TUNAR: variants seen among roughly 807,000 people sequenced by gnomAD.
TUNAR encodes transmembrane neural differentiation associated intracellular calcium regulator.
In TUNAR at chr14:95,884,804, C is replaced by T. The variant is rs867935163; in HGVS notation, c.12+7627C>T. Among the ~76,000 whole-genome samples the T allele has an allele frequency of 2.0e-4, 31 of 152,244 alleles. No individual in the cohort carries two copies. The Middle Eastern group carries it at 0.01, about 50-fold the overall frequency. On this transcript the variant is annotated intron_variant, in intron 2 of 2. Coordinates refer to ENST00000678517, the Ensembl canonical transcript of TUNAR. ...CTGCGGTCCCCACAATCTGTGTCTG[C>T]GTGGTTGTATCTCCGACTGCCGCTC...
chr14:95,887,874 A>T (rs1889104111), intron 2 of TUNAR, among the ~76,000 whole-genome samples: 1 of 152,226 alleles, frequency 6.6e-6, no homozygotes, highest in South Asian at 2.1e-4. Flanking sequence ...CATTTTGAGC[A>T]TCTGACCTCA....
At chr14:95,903,888 C>T (rs552927458) in intron 2 of TUNAR, among the ~76,000 whole-genome samples, 10 of 152,322 alleles carry the variant, frequency 6.6e-5, no homozygotes, top group Non-Finnish European at 7.4e-5. Flanking sequence ...GGGGCTTCCT[C>T]ACAGCAGGTG....
At chr14:95,914,585 A>G (rs898914942) in intron 2 of TUNAR, among the ~76,000 whole-genome samples, 4 of 152,132 alleles carry the variant, frequency 2.6e-5, no homozygotes, top group Non-Finnish European at 4.4e-5. Context: ...AGGAGTGGCT[A>G]TGTGGACAAG....
intron 2 of TUNAR, among the ~76,000 whole-genome samples, chr14:95,882,878 T>C (rs1036310372): frequency 6.6e-6 from 1 of 152,246 alleles, no homozygotes; most frequent in African/African-American, 2.4e-5. Flanking sequence ...AAATGATCAA[T>C]ATTGATAAGT....
At chr14:95,924,136 C>G (rs1889744764) in exon 3 of TUNAR, 1 of 152,212 alleles carries the variant, frequency 6.6e-6, no homozygotes, top group South Asian at 2.1e-4. Flanking sequence ...AGGTGCATTA[C>G]TCCTTCCTTT....
At chr14:95,899,670 C>T (rs73338743) in intron 2 of TUNAR, among the ~76,000 whole-genome samples, 1,646 of 152,110 alleles carry the variant, frequency 0.011, 40 homozygotes, top group African/African-American at 0.036. Context: ...TGCAGATGAC[C>T]GTCTTCATGC....
intron 2 of TUNAR, among the ~76,000 whole-genome samples, chr14:95,913,463 CATT>C (rs1355346369): frequency 6.6e-6 from 1 of 152,152 alleles, no homozygotes; most frequent in African/African-American, 2.4e-5. Context: ...TGGTCACCAT[CATT>C]TTCAGCTGCC....
chr14:95,921,679 C>G (rs1018631104), intron 2 of TUNAR, among the ~76,000 whole-genome samples: 1 of 152,170 alleles, frequency 6.6e-6, no homozygotes, highest in Admixed American at 6.5e-5. Context: ...CAGCCTGCTC[C>G]ACTCTTGCCT....
intron 2 of TUNAR, among the ~76,000 whole-genome samples, chr14:95,915,202 C>T (rs1288661150): frequency 2.0e-5 from 3 of 152,210 alleles, no homozygotes; most frequent in Non-Finnish European, 4.4e-5. Flanking sequence ...AGTAAAAGCT[C>T]TGGTTGCATG....
At chr14:95,904,408 C>T (rs967898917) in intron 2 of TUNAR, among the ~76,000 whole-genome samples, 1 of 152,080 alleles carries the variant, frequency 6.6e-6, no homozygotes, top group Non-Finnish European at 1.5e-5. Context: ...GAAAGGTGGG[C>T]CCTGGAATGA....
chr14:95,889,506 C>T (rs953601332), intron 2 of TUNAR, among the ~76,000 whole-genome samples: 2 of 151,288 alleles, frequency 1.3e-5, no homozygotes, highest in Non-Finnish European at 2.9e-5. Flanking sequence ...ACTCTTCTGC[C>T]CTGGCCACCA....
chr14:95,900,208 C>CAATTAA (rs1889329352), intron 2 of TUNAR, among the ~76,000 whole-genome samples: 1 of 152,186 alleles, frequency 6.6e-6, no homozygotes, highest in Admixed American at 6.5e-5. Flanking sequence ...TAAGATGTGG[C>CAATTAA]GTCTGCCCTC....
chr14:95,918,599 CT>C (rs1399323526), intron 2 of TUNAR, among the ~76,000 whole-genome samples: 2 of 152,222 alleles, frequency 1.3e-5, no homozygotes, highest in Non-Finnish European at 2.9e-5. Context: ...TGCAACTCTT[CT>C]GTGAGTCGGA....
intron 2 of TUNAR, among the ~76,000 whole-genome samples, chr14:95,920,896 T>C (rs1346065395): frequency 6.6e-6 from 1 of 152,204 alleles, no homozygotes; most frequent in Non-Finnish European, 1.5e-5. Context: ...AGTTGACTCG[T>C]GATTTTGGAG....
intron 2 of TUNAR, among the ~76,000 whole-genome samples, chr14:95,906,925 A>G (rs891932918): frequency 6.6e-6 from 1 of 152,192 alleles, no homozygotes; most frequent in Non-Finnish European, 1.5e-5. Context: ...CTAGGGAACC[A>G]GTCTCTTTAA....
At chr14:95,898,996 T>G (rs1447805655) in intron 2 of TUNAR, among the ~76,000 whole-genome samples, 1 of 152,232 alleles carries the variant, frequency 6.6e-6, no homozygotes, top group Non-Finnish European at 1.5e-5. Flanking sequence ...AATGACTAGC[T>G]GGTAACCAAA....
intron 2 of TUNAR, among the ~76,000 whole-genome samples, chr14:95,913,595 G>T (rs974062263): frequency 2.6e-5 from 4 of 152,154 alleles, no homozygotes; most frequent in African/African-American, 9.7e-5. Context: ...TGAGAAATTG[G>T]TCTAGAGAAG....
chr14:95,908,975 C>G (rs777942325), intron 2 of TUNAR, among the ~76,000 whole-genome samples: 1 of 152,180 alleles, frequency 6.6e-6, no homozygotes, highest in East Asian at 1.9e-4. Context: ...GGCTGGAGGT[C>G]TGCACCACAG....
intron 2 of TUNAR, among the ~76,000 whole-genome samples, chr14:95,918,646 C>A (rs1666416361): frequency 6.6e-6 from 1 of 152,148 alleles, no homozygotes; most frequent in Non-Finnish European, 1.5e-5. Context: ...GCTTCAGAGT[C>A]CTCGGAAAGT....
Sources: allele counts gnomAD v4.1 joint callset (sites outside exome capture counted in the v4.1 genomes callset), GRCh38; gene constraint gnomAD v4.1.1; transcripts MANE v1.5; gene names NCBI Gene and HGNC (gene_info 2026-07-23, HGNC 2026-07-21).